The following SLC5A1 variants were observed in gnomAD, a reference collection of about 807,000 sequenced individuals.
The protein encoded by SLC5A1 is sodium/glucose cotransporter 1.
Under a neutral mutation model 73.5 loss-of-function variants are expected in SLC5A1, and 42 were observed. The ratio of observed to expected loss-of-function variants is 0.57; its 90% CI spans 0.45 to 0.74. The LOEUF is 0.74. Ranked by LOEUF, SLC5A1 falls within the 30% of genes least tolerant of loss-of-function variation. The pLI is 0.00. For missense variants in SLC5A1, 634 were observed against 855.4 expected (o/e 0.74, Z 3.23); for synonymous variants, 300 against 317.4 (o/e 0.95, Z 0.58).
Position 32,084,515 on chromosome 22 carries a change from C to CA in SLC5A1, c.743dup (p.Asn248LysfsTer105). ...CCATTCCAACCATAGTGTCTGATGG[C>CA]AACACCACCTTTCAGGAAAAATGCT... On this transcript the variant is annotated frameshift_variant, in exon 8 of 15. Transcript: ENST00000266088. LOFTEE classifies it high-confidence loss of function. 6.2e-7 allele frequency: 1 copy of CA among 1,614,246 alleles called. No individual in the cohort carries two copies. The highest frequency in any genetic ancestry group is 8.5e-7 in the Non-Finnish European group (1 of 1,180,038).
At chr22:32,095,401 C>T (rs961367662) in intron 11 of SLC5A1, among the ~76,000 whole-genome samples, 1 of 152,166 alleles carries the variant, frequency 6.6e-6, no homozygotes, top group Non-Finnish European at 1.5e-5. Flanking sequence ...CCTTTGTTGA[C>T]TTTCTGTCTT....
At chr22:32,084,401 G>A in intron 7 of SLC5A1, 38 bp from the exon 8 acceptor site, 1 of 1,570,558 alleles carries the variant, frequency 6.4e-7, no homozygotes, top group Non-Finnish European at 8.8e-7. Context: ...ACGAGTTGAA[G>A]GTTTCAGAAT....
chr22:32,088,503 A>AT (rs1283034342), intron 10 of SLC5A1, among the ~76,000 whole-genome samples: 2 of 151,702 alleles, frequency 1.3e-5, no homozygotes, highest in East Asian at 3.9e-4. Context: ...CGCCCAGCTA[A>AT]TTTTTTTGTA....
At chr22:32,065,330 G>T (rs761376566) in intron 2 of SLC5A1, among the ~76,000 whole-genome samples, 1 of 152,122 alleles carries the variant, frequency 6.6e-6, no homozygotes, top group Non-Finnish European at 1.5e-5. Context: ...GTGCATACCT[G>T]TGTCAGGGGG....
intron 5 of SLC5A1, among the ~76,000 whole-genome samples, chr22:32,068,971 A>G (rs1224411769): frequency 1.3e-5 from 2 of 152,206 alleles, no homozygotes; most frequent in Non-Finnish European, 2.9e-5. Flanking sequence ...TCCCATGTTC[A>G]TTGTAGCACT....
chr22:32,091,667 C>T lies in SLC5A1; in HGVS notation c.1185C>T (p.Thr395=), dbSNP rs768110133. 8.1e-6 allele frequency: 13 copies of T among 1,614,128 alleles called. No homozygotes were observed. Among genetic ancestry groups the T allele is most frequent in the Non-Finnish European group, 1.1e-5 (13 of 1,180,004 alleles). ...VMLASLMSSL[T]SIFNSASTLF... Reference sequence around the variant, plus strand: ...TGGCCTCCCTCATGAGCTCCCTGACCTCCATCTTCAACAGCGCCAGCACCC... The same window carrying T: ...TGGCCTCCCTCATGAGCTCCCTGACTTCCATCTTCAACAGCGCCAGCACCC... The change falls in exon 11 of 15, where the codon ACC becomes ACT. Residue 395 remains threonine (T), a synonymous_variant. Transcript: ENST00000266088.
At chr22:32,049,097 TA>T (rs2093941028) in intron 1 of SLC5A1, among the ~76,000 whole-genome samples, 1 of 137,580 alleles carries the variant, frequency 7.3e-6, no homozygotes, top group South Asian at 2.2e-4. Flanking sequence ...AATAAATATA[TA>T]TATATATATA....
intron 11 of SLC5A1, among the ~76,000 whole-genome samples, chr22:32,098,101 T>C (rs191559475): frequency 6.6e-6 from 1 of 152,344 alleles, no homozygotes; most frequent in East Asian, 1.9e-4. Flanking sequence ...CTGCTAGCAA[T>C]GCAAAACAGT....
intron 5 of SLC5A1, among the ~76,000 whole-genome samples, chr22:32,076,468 T>C (rs1375496641): frequency 6.6e-6 from 1 of 152,242 alleles, no homozygotes; most frequent in Non-Finnish European, 1.5e-5. Context: ...TGACTGAATG[T>C]TCATGTCCCC....
At chr22:32,103,408 G>A (rs977563956) in intron 13 of SLC5A1, among the ~76,000 whole-genome samples, 36 of 152,302 alleles carry the variant, frequency 2.4e-4, no homozygotes, top group African/African-American at 7.0e-4. Context: ...TTGGTTTCAC[G>A]TGGAAGGATA....
intron 1 of SLC5A1, among the ~76,000 whole-genome samples, chr22:32,049,186 T>TATATA (rs1169147461): frequency 3.0e-4 from 9 of 29,574 alleles, no homozygotes; most frequent in Non-Finnish European, 4.1e-4. Flanking sequence ...TCTATATCTA[T>TATATA]ATCTATATCT....
In SLC5A1 at chr22:32,084,570, T is replaced by G; in HGVS notation, c.796T>G (p.Phe266Val). Residue 266 changes from phenylalanine (F) to valine (V), a missense_variant, in exon 8 of 15, where the codon TTC becomes GTC. Coordinates refer to ENST00000266088, the MANE Select transcript of SLC5A1 (RefSeq NM_000343.4). ...TCCAAGGGCCGACTCCTTCCACATCTTCCGAGATCCCCTCACGGGAGACCT... is the reference window on the plus strand; with the variant it reads ...TCCAAGGGCCGACTCCTTCCACATCGTCCGAGATCCCCTCACGGGAGACCT... ...YTPRADSFHI[F>V]RDPLTGDLPW... The G allele has an allele frequency of 6.2e-7, 1 of 1,614,236 alleles. No individual in the cohort carries two copies. Among genetic ancestry groups the G allele is most frequent in the Non-Finnish European group, 8.5e-7 (1 of 1,180,036 alleles).
intron 2 of SLC5A1, chr22:32,059,412 C>A: frequency 1.1e-6 from 1 of 899,420 alleles, no homozygotes; most frequent in Non-Finnish European, 1.3e-6. Flanking sequence ...GGGCTTTATT[C>A]TGCAGATGAG....
At chr22:32,058,978 G>T (rs2093956143) in intron 2 of SLC5A1, among the ~76,000 whole-genome samples, 1 of 152,158 alleles carries the variant, frequency 6.6e-6, no homozygotes, top group African/African-American at 2.4e-5. Flanking sequence ...TGGTTGCTAT[G>T]GTTTCTGTTG....
intron 5 of SLC5A1, among the ~76,000 whole-genome samples, chr22:32,070,364 TACCCAGAC>T (rs2093981110): frequency 6.7e-6 from 1 of 149,458 alleles, no homozygotes; most frequent in Non-Finnish European, 1.5e-5. Context: ...CTTGCTGTAT[TACCCAGAC>T]TGCCAGACTG....
chr22:32,098,963 G>A (rs1013012277), intron 11 of SLC5A1, among the ~76,000 whole-genome samples: 1 of 151,126 alleles, frequency 6.6e-6, no homozygotes, highest in Admixed American at 6.6e-5. Context: ...GCGGGCGCCT[G>A]TAGTCCCAGC....
In SLC5A1 at chr22:32,081,963, CA is replaced by C; in HGVS notation, c.577del (p.Ile193LeufsTer8). The C allele has an allele frequency of 1.9e-6, 3 of 1,603,492 alleles. No homozygotes were observed. The highest frequency in any genetic ancestry group is 2.6e-6 in the Non-Finnish European group (3 of 1,170,266). On this transcript the variant is annotated frameshift_variant, in exon 6 of 15. Transcript: ENST00000266088. LOFTEE classifies it high-confidence loss of function. ...TTATTGGCAATCACTGCCCTTTACA[CA>C]ATTACAGGTGAGTCCATTCAAATAA... ...FLLLAITALY[T>X]ITGGLAAVIY...
intron 7 of SLC5A1, among the ~76,000 whole-genome samples, chr22:32,084,104 A>G (rs2094004225): frequency 1.3e-5 from 2 of 152,260 alleles, no homozygotes; most frequent in South Asian, 4.1e-4. Context: ...GGTGAGGGAA[A>G]AAACAGAGTC....
intron 2 of SLC5A1, among the ~76,000 whole-genome samples, chr22:32,052,688 C>G (rs1284215796): frequency 1.3e-5 from 2 of 152,134 alleles, no homozygotes; most frequent in African/African-American, 4.8e-5. Context: ...TCCCAGTGCC[C>G]TGTGATGAGA....
Sources: gnomAD v4.1 joint callset for allele counts (sites outside exome capture counted in the v4.1 genomes callset) on GRCh38, gnomAD v4.1.1 for gene constraint, MANE v1.5 for transcripts, NCBI Gene and HGNC (gene_info 2026-07-23, HGNC 2026-07-21) for gene names.